GRHL2: variants seen among roughly 807,000 people sequenced by gnomAD.
GRHL2 encodes grainyhead like transcription factor 2, also known as grainyhead-like protein 2 homolog.
GRHL2 carries 21 observed loss-of-function variants against 83.8 expected under a neutral mutation model. The observed-to-expected ratio is 0.25, with a 90% CI of 0.18 to 0.36. The LOEUF is 0.36. GRHL2 is among the 10% of genes least tolerant of loss of function. The pLI is 1.00. For synonymous variants in GRHL2, 280 were observed against 278.9 expected (o/e 1.00, Z -0.04); for missense variants, 623 against 781.8 (o/e 0.80, Z 2.42).
chr8:101,678,894 G>C, the GRHL2 span, among the ~76,000 whole-genome samples: 10 of 140,360 alleles, frequency 7.1e-5, no homozygotes, highest in Non-Finnish European at 1.5e-4. Flanking sequence ...CTAACAAACA[G>C]AAAGGACATC....
intron 2 of GRHL2, among the ~76,000 whole-genome samples, chr8:101,548,507 GAC>G (rs1811312122): frequency 6.6e-6 from 1 of 152,208 alleles, no homozygotes; most frequent in Non-Finnish European, 1.5e-5. Flanking sequence ...AAGAGAGAGA[GAC>G]AGAGAGTTGG....
intron 4 of GRHL2, chr8:101,562,188 T>C: frequency 1.6e-6 from 1 of 614,240 alleles, no homozygotes; most frequent in Admixed American, 2.1e-5. Context: ...TTGGCGTTTC[T>C]GTTTGATTTC....
Position 101,666,590 on chromosome 8 carries a change from A to G in GRHL2, c.1765A>G (p.Ile589Val), listed in dbSNP as rs1430840103. ...ACACCCCTCCCCCCTCCATGGCAGC[A>G]TCTTGGTGAACATGGATGACAACAT... Reference protein sequence around the residue: ...AKLYKKSKKGILVNMDDNIIE... With the variant: ...AKLYKKSKKGVLVNMDDNIIE... The change falls in exon 16 of 16, where the codon ATC (isoleucine) becomes GTC (valine). Residue 589 changes from isoleucine to valine, a missense_variant and splice_region_variant. This residue lies in a region of GRHL2 where 210 missense variants were observed against 254.8 expected (regional missense o/e 0.82). Coordinates refer to ENST00000646743, the MANE Select transcript of GRHL2 (RefSeq NM_024915.4). The G allele has an allele frequency of 5.0e-6, 8 of 1,589,848 alleles. No homozygotes were observed. The highest frequency in any genetic ancestry group is 6.9e-6 in the Non-Finnish European group (8 of 1,157,982).
chr8:101,576,999 G>T (rs1343322316), intron 6 of GRHL2, among the ~76,000 whole-genome samples: 1 of 151,952 alleles, frequency 6.6e-6, no homozygotes, highest in Non-Finnish European at 1.5e-5. Flanking sequence ...ACAGATGTTT[G>T]CTTCTTTACA....
chr8:101,573,488 A>G (rs775252115), intron 5 of GRHL2, among the ~76,000 whole-genome samples, 180 bp from the exon 6 acceptor site: 4 of 152,194 alleles, frequency 2.6e-5, no homozygotes, highest in Non-Finnish European at 4.4e-5. Flanking sequence ...GAAATGTTGT[A>G]TACATTGTAC....
At chr8:101,581,854 G>A (rs1011199971) in intron 7 of GRHL2, among the ~76,000 whole-genome samples, 1 of 152,200 alleles carries the variant, frequency 6.6e-6, no homozygotes, top group African/African-American at 2.4e-5. Context: ...CATCTGAAAG[G>A]ATAACTAGGG....
chr8:101,542,810 G>C (rs1472101522), intron 1 of GRHL2: 1 of 456,698 alleles, frequency 2.2e-6, no homozygotes, highest in East Asian at 6.9e-5. Flanking sequence ...GAGAGAGTAA[G>C]ATGGAAAGAG....
At chr8:101,515,412 C>A (rs1349634159) in intron 1 of GRHL2, among the ~76,000 whole-genome samples, 1 of 152,148 alleles carries the variant, frequency 6.6e-6, no homozygotes. Context: ...ACTTAAGTCA[C>A]GGATTCTGTC....
intron 14 of GRHL2, among the ~76,000 whole-genome samples, chr8:101,663,882 A>G (rs1183440107): frequency 6.8e-6 from 1 of 147,434 alleles, no homozygotes; most frequent in Non-Finnish European, 1.5e-5. Context: ...TTCCCAGTGT[A>G]TTTTTTTGTC....
chr8:101,502,171 A>C (rs1563552820), intron 1 of GRHL2, among the ~76,000 whole-genome samples: 1 of 152,212 alleles, frequency 6.6e-6, no homozygotes, highest in Non-Finnish European at 1.5e-5. Context: ...TAATTAACAT[A>C]AGATCAGAAG....
At chr8:101,519,967 C>T (rs1810650224) in intron 1 of GRHL2, among the ~76,000 whole-genome samples, 1 of 152,008 alleles carries the variant, frequency 6.6e-6, no homozygotes, top group Non-Finnish European at 1.5e-5. Flanking sequence ...CATTAGAAGC[C>T]CATCTAAATT....
At chr8:101,536,805 G>A (rs1380238548) in intron 1 of GRHL2, among the ~76,000 whole-genome samples, 1 of 152,142 alleles carries the variant, frequency 6.6e-6, no homozygotes, top group Non-Finnish European at 1.5e-5. Context: ...AGGGGTACAT[G>A]TGCAGGTCTG....
At chr8:101,515,112 G>A (rs1810544710) in intron 1 of GRHL2, among the ~76,000 whole-genome samples, 1 of 146,868 alleles carries the variant, frequency 6.8e-6, no homozygotes, top group Admixed American at 6.9e-5. Flanking sequence ...CTGCAATGAG[G>A]TCTTGAAGTA....
chr8:101,537,375 G>C (rs1811064568), intron 1 of GRHL2, among the ~76,000 whole-genome samples: 1 of 152,122 alleles, frequency 6.6e-6, no homozygotes, highest in Non-Finnish European at 1.5e-5. Context: ...ACAGAAATTA[G>C]GAAAGAATGG....
chr8:101,643,341 C>T (rs1245393509), intron 12 of GRHL2, among the ~76,000 whole-genome samples: 2 of 122,786 alleles, frequency 1.6e-5, no homozygotes, highest in African/African-American at 6.1e-5. Context: ...GTATCAATGA[C>T]TTCTATCCTC....
intron 2 of GRHL2, among the ~76,000 whole-genome samples, chr8:101,548,497 AAG>A (rs1213359137): frequency 2.6e-5 from 4 of 152,184 alleles, no homozygotes; most frequent in Non-Finnish European, 4.4e-5. Context: ...CCAGGACAGA[AAG>A]AGAGAGAGAC....
In GRHL2 at chr8:101,632,218, C is replaced by T. The variant is rs1813199118; in HGVS notation, c.1346-8C>T. 1 of 1,613,690 alleles carries T rather than the reference C, an allele frequency of 6.2e-7. No homozygotes were observed. The highest frequency in any genetic ancestry group is 8.5e-7 in the Non-Finnish European group (1 of 1,179,816). On this transcript the variant is annotated splice_polypyrimidine_tract_variant and splice_region_variant and intron_variant, in intron 10 of 15. Transcript: ENST00000646743. ...CTCTCATTTATGAGTTTGTGTGATC[C>T]CATCCAGCCTCTGATGGGAAGTTGG... is the stretch of plus-strand genomic sequence containing the variant.
At chr8:101,623,324 C>T (rs931920786) in intron 9 of GRHL2, among the ~76,000 whole-genome samples, 3 of 152,214 alleles carry the variant, frequency 2.0e-5, no homozygotes, top group African/African-American at 7.2e-5. Flanking sequence ...GGACAGTACA[C>T]AGTAGAACAG....
chr8:101,495,695 C>G (rs1810086859), intron 1 of GRHL2, among the ~76,000 whole-genome samples: 1 of 152,068 alleles, frequency 6.6e-6, no homozygotes, highest in Non-Finnish European at 1.5e-5. Flanking sequence ...GTAACACATT[C>G]AGATAGGCGT....
Sources: allele counts gnomAD v4.1 joint callset (sites outside exome capture counted in the v4.1 genomes callset), GRCh38; gene constraint gnomAD v4.1.1; regional missense constraint gnomAD v4.1.1; transcripts MANE v1.5; gene names NCBI Gene and HGNC (gene_info 2026-07-23, HGNC 2026-07-21).